Variants in CD96 observed in about 807,000 individuals in gnomAD.
The protein encoded by CD96 is CD96 molecule.
In CD96, 70 loss-of-function variants were observed where a neutral mutation model predicts 71.3. That is an observed-to-expected ratio of 0.98 (90% CI 0.81 to 1.20). The LOEUF (loss-of-function observed/expected upper bound fraction) is 1.20, where lower values mean the gene tolerates loss of function less well. Ranked by LOEUF, CD96 falls within the 50% of genes most tolerant of loss-of-function variation. CD96 has a pLI of 0.00. For missense variants in CD96, 742 were observed against 677.5 expected, an observed-to-expected ratio of 1.10 and a Z score of -1.06; for synonymous variants, 248 against 233.0, an observed-to-expected ratio of 1.06 and a Z score of -0.59.
At chr3:111,665,927 C>T (rs890220716), downstream of CD96, among the ~76,000 whole-genome samples, 1 of 152,174 alleles carries the variant, frequency 6.6e-6, no homozygotes, top group Non-Finnish European at 1.5e-5. Flanking sequence ...GGACTTTTAC[C>T]CATCACCCCA....
intron 9 of CD96, among the ~76,000 whole-genome samples, 198 bp downstream of exon 9, chr3:111,624,020 G>C (rs534886775): frequency 1.3e-5 from 2 of 152,210 alleles, no homozygotes; most frequent in East Asian, 3.9e-4. Flanking sequence ...AATAAGGGCT[G>C]GTGATTTATT....
intron 14 of CD96, among the ~76,000 whole-genome samples, chr3:111,658,925 C>G (rs1021292348): frequency 1.3e-5 from 2 of 152,192 alleles, no homozygotes; most frequent in Non-Finnish European, 2.9e-5. Context: ...GGAAAAGCCC[C>G]TCCTCCTCAA....
chr3:111,609,197 A>G (rs1303882599), intron 8 of CD96, among the ~76,000 whole-genome samples: 3 of 152,214 alleles, frequency 2.0e-5, no homozygotes, highest in African/African-American at 7.2e-5. Flanking sequence ...GCATCAGTAG[A>G]TAAGTTTGGA....
chr3:111,636,558 A>G (rs1308324909), intron 10 of CD96, among the ~76,000 whole-genome samples: 2 of 152,216 alleles, frequency 1.3e-5, no homozygotes, highest in African/African-American at 4.8e-5. Flanking sequence ...TGGGGCAATA[A>G]ACAAAATGAG....
In CD96 at chr3:111,616,711, G is replaced by A. The variant is rs77682546; in HGVS notation, c.1181-7043G>A. 2.3e-3 allele frequency among the ~76,000 whole-genome samples: 346 copies of A among 152,300 alleles called. 1 individual carries two copies. Among genetic ancestry groups the A allele is most frequent in the African/African-American group, 8.0e-3 (333 of 41,574 alleles). ...GTCATTCTGATGGCAGCAGCTGCCCGACTGGACTAGCTGCTGTGGGGATGC... is the reference window on the plus strand; with the variant it reads ...GTCATTCTGATGGCAGCAGCTGCCCAACTGGACTAGCTGCTGTGGGGATGC... On this transcript the variant is annotated intron_variant, in intron 8 of 13. Transcript: ENST00000352690.
At position 111,649,840 on chromosome 3, in the gene CD96, C is replaced by A; in HGVS notation, c.*34C>A. On this transcript the variant is annotated 3_prime_UTR_variant, in exon 14 of 14. Coordinates refer to ENST00000352690, the MANE Select transcript of CD96 (RefSeq NM_005816.5). ...GACTTTGCCCCATGGCAGAACTCTG[C>A]TGGAATCCTATTGAGAAGGTAGACA... The A allele has an allele frequency of 7.8e-7, 1 of 1,276,184 alleles. No individual in the cohort carries two copies. The highest frequency in any genetic ancestry group is 1.1e-6 in the Non-Finnish European group (1 of 871,606). The allele number at this position is 1,276,184 out of a possible 1,614,324, so 79.1% of individuals were successfully genotyped here. A position where few individuals can be genotyped will look rare whatever the true frequency, so the allele number is the denominator to read the frequency against.
At position 111,600,922 on chromosome 3, in the gene CD96, G is replaced by A; in HGVS notation, c.1087+8G>A. 6.4e-7 allele frequency: 1 copy of A among 1,566,258 alleles called. No homozygotes were observed. Among genetic ancestry groups the A allele is most frequent in the Non-Finnish European group, 8.8e-7 (1 of 1,136,914 alleles). On this transcript the variant is annotated splice_region_variant and intron_variant, in intron 7 of 13. Transcript: ENST00000352690. ...AGATCACTTTTCTCTTAGGTGAGTTGTCTATTTAATAAGATCAACAAGAGT... is the reference window on the plus strand; with the variant it reads ...AGATCACTTTTCTCTTAGGTGAGTTATCTATTTAATAAGATCAACAAGAGT...
chr3:111,594,366 T>C (rs972122803), intron 5 of CD96: 44 of 779,000 alleles, frequency 5.6e-5, no homozygotes, highest in Non-Finnish European at 1.0e-5. Context: ...GGTTTCTTCC[T>C]TTCTGCTTCA....
Position 111,542,197 on chromosome 3 carries a change from A to C in CD96, c.-52A>C, listed in dbSNP as rs530236778. ...TGGCTGGAGTTTGCTTGAAAACATCAATTGACTTTGTGATCATTACAGAAA... is the reference window on the plus strand; with the variant it reads ...TGGCTGGAGTTTGCTTGAAAACATCCATTGACTTTGTGATCATTACAGAAA... On this transcript the variant is annotated 5_prime_UTR_variant, in exon 1 of 14. Transcript: ENST00000352690. 6.4e-7 allele frequency: 1 copy of C among 1,551,006 alleles called. No homozygotes were observed. The highest frequency in any genetic ancestry group is 1.4e-5 in the African/African-American group (1 of 73,712).
intron 3 of CD96, 92 bp downstream of exon 3, chr3:111,567,739 T>C (rs1935788221): frequency 3.4e-6 from 4 of 1,167,114 alleles, no homozygotes; most frequent in South Asian, 2.5e-5. Context: ...GAAGGAAGCA[T>C]ACAAATAACA....
At chr3:111,565,899 G>A (rs894235930) in intron 2 of CD96, among the ~76,000 whole-genome samples, 1 of 150,974 alleles carries the variant, frequency 6.6e-6, no homozygotes, top group African/African-American at 2.4e-5. Flanking sequence ...AAGAGTTATT[G>A]GTAAAGAAGA....
At chr3:111,603,275 C>T (rs376987253) in intron 7 of CD96, among the ~76,000 whole-genome samples, 1 of 152,044 alleles carries the variant, frequency 6.6e-6, no homozygotes, top group Non-Finnish European at 1.5e-5. Context: ...CACTTTGTCT[C>T]TACCAAAAAA....
chr3:111,615,115 C>T (rs900031982), intron 8 of CD96, among the ~76,000 whole-genome samples: 3 of 152,190 alleles, frequency 2.0e-5, no homozygotes, highest in Non-Finnish European at 4.4e-5. Flanking sequence ...CCTTTGGAAC[C>T]TCATCTGAAA....
chr3:111,617,381 G>A (rs952403209), intron 8 of CD96, among the ~76,000 whole-genome samples: 1 of 152,220 alleles, frequency 6.6e-6, no homozygotes. Context: ...CAATTGGATA[G>A]TGCTTTTTCC....
intron 10 of CD96, among the ~76,000 whole-genome samples, chr3:111,626,765 G>A (rs746047426): frequency 3.3e-5 from 5 of 152,080 alleles, no homozygotes; most frequent in Non-Finnish European, 2.9e-5. Flanking sequence ...CAAGTGAATG[G>A]CAACCATATA....
chr3:111,635,297 C>A (rs1218424640), intron 10 of CD96, among the ~76,000 whole-genome samples: 1 of 152,120 alleles, frequency 6.6e-6, no homozygotes, highest in Non-Finnish European at 1.5e-5. Flanking sequence ...ACCATACTTC[C>A]CACTACATGT....
At position 111,545,134 on chromosome 3, in the gene CD96, A is replaced by T. The variant is rs1559707388; in HGVS notation, c.150A>T (p.Val50=). 6.2e-7 allele frequency: 1 copy of T among 1,614,202 alleles called. No homozygotes were observed. Among genetic ancestry groups the T allele is most frequent in the Non-Finnish European group, 8.5e-7 (1 of 1,180,030 alleles). ...ACCTGACCTGCCAAACACAGACAGT[A>T]GGCTTCTTCGTGCAGATGCAATGGT... ...DVNLTCQTQT[V]GFFVQMQWSK... Residue 50 remains valine (V), a synonymous_variant, in exon 2 of 14, where the codon GTA becomes GTT. Coordinates refer to ENST00000352690, the MANE Select transcript of CD96 (RefSeq NM_005816.5).
chr3:111,600,206 C>T (rs1217472412), intron 6 of CD96, among the ~76,000 whole-genome samples: 1 of 152,210 alleles, frequency 6.6e-6, no homozygotes, highest in African/African-American at 2.4e-5. Flanking sequence ...CTCTAAGGGC[C>T]ACAGCCAGAC....
intron 3 of CD96, among the ~76,000 whole-genome samples, chr3:111,570,091 C>G (rs1429950307): frequency 6.6e-6 from 1 of 152,058 alleles, no homozygotes; most frequent in Admixed American, 6.5e-5. Context: ...CACCCTGAGA[C>G]TTCTGCTTAC....
Sources: gnomAD v4.1 joint callset for allele counts (sites outside exome capture counted in the v4.1 genomes callset) on GRCh38, gnomAD v4.1.1 for gene constraint, MANE v1.5 for transcripts, NCBI Gene and HGNC (gene_info 2026-07-23, HGNC 2026-07-21) for gene names.